STOX1: variants seen among roughly 807,000 people sequenced by gnomAD.
STOX1 encodes the protein storkhead-box protein 1.
In STOX1, 57 loss-of-function variants were observed where a neutral mutation model predicts 74.8. The observed-to-expected ratio is 0.76, with a 90% CI of 0.62 to 0.95. The LOEUF (loss-of-function observed/expected upper bound fraction) is 0.95. Among genes scored for constraint, STOX1 ranks in the 40% least tolerant of loss-of-function variants. STOX1 has a pLI of 0.00. For missense variants in STOX1, 1,010 were observed against 1,117.0 expected (o/e 0.90, Z 1.37); for synonymous variants, 375 against 401.3 (o/e 0.93, Z 0.78).
intron 3 of STOX1, among the ~76,000 whole-genome samples, chr10:68,887,344 G>A (rs574467143): frequency 1.2e-3 from 179 of 152,240 alleles, no homozygotes; most frequent in Admixed American, 5.0e-3. Flanking sequence ...GTGCAATGGC[G>A]TGATCTCGGC....
At chr10:68,842,710 T>C (rs917400025) in intron 1 of STOX1, among the ~76,000 whole-genome samples, 11 of 145,920 alleles carry the variant, frequency 7.5e-5, no homozygotes, top group Non-Finnish European at 7.5e-5. Flanking sequence ...TGGCTCATTT[T>C]TTGTATTTTT....
In STOX1 at chr10:68,874,013, C is replaced by CT. The variant is rs1160388935; in HGVS notation, c.311-7922dup. ...GAAAAATTGCAGATAGCTAGGTAGCCTTTTTTTTTTTTTTTTTTTTTTTGC... is the reference window on the plus strand; with the variant it reads ...GAAAAATTGCAGATAGCTAGGTAGCCTTTTTTTTTTTTTTTTTTTTTTTTGC... On this transcript the variant is annotated intron_variant, in intron 1 of 3. Coordinates refer to ENST00000298596, the MANE Select transcript of STOX1 (RefSeq NM_152709.5). Among the ~76,000 whole-genome samples the CT allele has an allele frequency of 9.5e-3, 245 of 25,746 alleles. 24 individuals are homozygous for CT. Among genetic ancestry groups the CT allele is most frequent in the African/African-American group, 0.016 (89 of 5,538 alleles). The allele number at this position is 25,746 out of a possible 152,430, so 16.9% of individuals were successfully genotyped here.
intron 1 of STOX1, chr10:68,828,152 T>C: frequency 5.6e-6 from 3 of 532,168 alleles, no homozygotes; most frequent in Non-Finnish European, 6.9e-6. Context: ...CTTCCAGGGC[T>C]GGCTGCGGCG....
At chr10:68,881,678 A>G (rs984003520) in intron 1 of STOX1, among the ~76,000 whole-genome samples, 3 of 152,186 alleles carry the variant, frequency 2.0e-5, no homozygotes, top group Admixed American at 6.5e-5. Flanking sequence ...GACCTCCTGA[A>G]CTCTGATAAT....
At chr10:68,861,085 A>G (rs1336766246) in intron 1 of STOX1, among the ~76,000 whole-genome samples, 2 of 152,030 alleles carry the variant, frequency 1.3e-5, no homozygotes, top group South Asian at 2.1e-4. Flanking sequence ...GCACATGCCT[A>G]TAATCCTGCT....
intron 1 of STOX1, among the ~76,000 whole-genome samples, chr10:68,832,823 G>A (rs1213972417): frequency 6.6e-6 from 1 of 151,960 alleles, no homozygotes. Context: ...GAATGTAGTG[G>A]TACAATCATG....
intron 1 of STOX1, among the ~76,000 whole-genome samples, chr10:68,863,163 A>G (rs910244482): frequency 2.0e-5 from 3 of 152,068 alleles, no homozygotes; most frequent in Admixed American, 6.5e-5. Flanking sequence ...ACCAAGAGCT[A>G]TCGTTAGTGT....
At position 68,861,084 on chromosome 10, in the gene STOX1, T is replaced by G. The variant is rs547787592; in HGVS notation, c.311-20874T>G. Among the ~76,000 whole-genome samples, 171 of 152,182 alleles carry G rather than the reference T, an allele frequency of 1.1e-3. 2 individuals are homozygous for G. The highest frequency in any genetic ancestry group is 4.1e-3 in the African/African-American group (168 of 41,444). ...TTAGCCGGGCATGATGGCACATGCC[T>G]ATAATCCTGCTGAGACCAGCTCAGT... On this transcript the variant is annotated intron_variant, in intron 1 of 3. Transcript: ENST00000298596.
intron 1 of STOX1, among the ~76,000 whole-genome samples, chr10:68,845,853 C>T (rs190219379): frequency 1.5e-4 from 23 of 151,938 alleles, no homozygotes; most frequent in East Asian, 1.2e-3. Flanking sequence ...CTACCCGCCT[C>T]GGCCTGCCAA....
chr10:68,847,289 A>G (rs1305490798), intron 1 of STOX1, among the ~76,000 whole-genome samples: 1 of 152,220 alleles, frequency 6.6e-6, no homozygotes, highest in Admixed American at 6.5e-5. Context: ...GCAACAAAAG[A>G]TGACCCCAGT....
At chr10:68,893,604 A>G (rs1166260220), downstream of STOX1, among the ~76,000 whole-genome samples, 3 of 152,156 alleles carry the variant, frequency 2.0e-5, no homozygotes, top group Admixed American at 6.5e-5. Context: ...TTTTTAGTAG[A>G]GACGGGGTTT....
chr10:68,859,494 T>C (rs962720200), intron 1 of STOX1, among the ~76,000 whole-genome samples: 1 of 152,124 alleles, frequency 6.6e-6, no homozygotes, highest in Non-Finnish European at 1.5e-5. Flanking sequence ...GCAGCAGTCC[T>C]GACACTTTTT....
In STOX1 at chr10:68,884,586, G is replaced by T; in HGVS notation, c.790G>T (p.Val264Leu). 1 of 1,613,872 alleles carries T rather than the reference G, an allele frequency of 6.2e-7. No individual in the cohort carries two copies. Among genetic ancestry groups the T allele is most frequent in the Non-Finnish European group, 8.5e-7 (1 of 1,180,042 alleles). The change falls in exon 3 of 4, where the codon GTG (valine) becomes TTG (leucine). Residue 264 changes from valine to leucine, a missense_variant. Coordinates refer to ENST00000298596, the MANE Select transcript of STOX1 (RefSeq NM_152709.5). ...DVQEAPVAAEVTRKSHRGLGE... is the reference protein window; with the variant it reads ...DVQEAPVAAELTRKSHRGLGE... Reference sequence around the variant, plus strand: ...TCAGGAAGCACCAGTTGCTGCAGAAGTGACTAGGAAGAGTCACAGAGGTCT... The same window carrying T: ...TCAGGAAGCACCAGTTGCTGCAGAATTGACTAGGAAGAGTCACAGAGGTCT...
intron 1 of STOX1, among the ~76,000 whole-genome samples, chr10:68,845,528 C>T (rs1221356810): frequency 6.6e-6 from 1 of 152,002 alleles, no homozygotes; most frequent in East Asian, 1.9e-4. Flanking sequence ...CCTGCCTCGG[C>T]CTCCCAAAGT....
chr10:68,832,674 AAAAG>A (rs1554826590), intron 1 of STOX1, among the ~76,000 whole-genome samples: 4 of 149,184 alleles, frequency 2.7e-5, no homozygotes, highest in Non-Finnish European at 4.5e-5. Context: ...AAAAAAAAAA[AAAAG>A]AAAGCACCAA....
At chr10:68,882,220 A>G (rs895335462) in intron 2 of STOX1, 110 bp downstream of exon 2, 39 of 1,027,030 alleles carry the variant, frequency 3.8e-5, no homozygotes, top group Admixed American at 5.7e-5. Context: ...CCCCTCTTCT[A>G]TAGAACTTTA....
rs767624454 is a variant in STOX1 at position 68,882,101 on chromosome 10, C to T, written c.454C>T (p.His152Tyr). ...QESLLERLMK[H>Y]YPGIAIPSED... ...ATCACTTTTGGAGCGTTTGATGAAA[C>T]ATTACCCAGGTAGAGTAATAAATTT... The change falls in exon 2 of 4, where the codon CAT becomes TAT. Residue 152 changes from histidine to tyrosine, a missense_variant. By Grantham distance (83) the His-to-Tyr change is moderately conservative. Coordinates refer to ENST00000298596, the MANE Select transcript of STOX1 (RefSeq NM_152709.5). 88 of 1,613,624 alleles carry T rather than the reference C, an allele frequency of 5.5e-5. No homozygotes were observed. Among genetic ancestry groups the T allele is most frequent in the Non-Finnish European group, 7.0e-5 (82 of 1,179,806 alleles).
chr10:68,860,088 G>A (rs533833192), intron 1 of STOX1, among the ~76,000 whole-genome samples: 1 of 151,934 alleles, frequency 6.6e-6, no homozygotes, highest in Admixed American at 6.6e-5. Context: ...TCCAGAGTTC[G>A]AGACCAGCCT....
At chr10:68,830,633 G>A (rs553226550) in intron 1 of STOX1, among the ~76,000 whole-genome samples, 38 of 152,164 alleles carry the variant, frequency 2.5e-4, no homozygotes, top group Non-Finnish European at 5.0e-4. Context: ...ATGAGCTACC[G>A]CGCCTGACGA....
Sources: allele counts gnomAD v4.1 joint callset (sites outside exome capture counted in the v4.1 genomes callset), GRCh38; gene constraint gnomAD v4.1.1; transcripts MANE v1.5; gene names NCBI Gene and HGNC (gene_info 2026-07-23, HGNC 2026-07-21).